Variants in ARHGEF10 observed in about 807,000 individuals in gnomAD.
The protein encoded by ARHGEF10 is Rho guanine nucleotide exchange factor (GEF) 10.
ARHGEF10 carries 140 observed loss-of-function variants against 147.4 expected under a neutral mutation model. The observed-to-expected ratio is 0.95, with a 90% confidence interval of 0.83 to 1.09. The LOEUF is 1.09. Among genes scored for constraint, ARHGEF10 ranks in the 50% least tolerant of loss-of-function variants. ARHGEF10 has a pLI of 0.00. For missense variants in ARHGEF10, 2,222 were observed against 1,752.7 expected (o/e 1.27, Z -4.78); for synonymous variants, 902 against 695.8 (o/e 1.30, Z -4.67).
At chr8:1,823,345 G>C (rs914770205), upstream of ARHGEF10, among the ~76,000 whole-genome samples, 3 of 151,454 alleles carry the variant, frequency 2.0e-5, no homozygotes, top group Admixed American at 6.6e-5. Context: ...GGCAGGGCCA[G>C]CTGCGGACGG....
At chr8:1,864,123 C>G (rs1275224659) in intron 4 of ARHGEF10, among the ~76,000 whole-genome samples, 2 of 152,066 alleles carry the variant, frequency 1.3e-5, no homozygotes, top group African/African-American at 4.8e-5. Context: ...TAGCCTGATG[C>G]ATTTGGGTGC....
chr8:1,896,012 G>C (rs1181084208), intron 13 of ARHGEF10, among the ~76,000 whole-genome samples: 2 of 152,152 alleles, frequency 1.3e-5, no homozygotes, highest in African/African-American at 4.8e-5. Context: ...CACCAAGTGA[G>C]ACTTGGCAGG....
chr8:1,925,479 T>A, intron 22 of ARHGEF10, 75 bp downstream of exon 22: 4 of 1,593,400 alleles, frequency 2.5e-6, no homozygotes, highest in Middle Eastern at 2.2e-4. Context: ...GGGAGATGAT[T>A]CTTAAGGGGC....
At position 1,857,035 on chromosome 8, in the gene ARHGEF10, G is replaced by C. The variant is rs112615146; in HGVS notation, c.38-925G>C. Among the ~76,000 whole-genome samples the C allele has an allele frequency of 7.7e-3, 1,166 of 152,300 alleles. 17 individuals carry two copies. The highest frequency in any genetic ancestry group is 0.027 in the African/African-American group (1,112 of 41,556). On this transcript the variant is annotated intron_variant, in intron 2 of 28. Transcript: ENST00000349830. ...CACACGGCAGGCTGCGCCATCAGCC[G>C]TAACCCCGGTCCAAGGAGACCTGTG...
intron 8 of ARHGEF10, 25 bp downstream of exon 8, chr8:1,876,759 G>A: frequency 6.2e-7 from 1 of 1,613,078 alleles, no homozygotes; most frequent in African/African-American, 1.3e-5. Flanking sequence ...CACATGTGAG[G>A]GATGGTTCTC....
chr8:1,951,445 A>G (rs996850043), intron 27 of ARHGEF10, among the ~76,000 whole-genome samples: 1 of 152,230 alleles, frequency 6.6e-6, no homozygotes, highest in Non-Finnish European at 1.5e-5. Flanking sequence ...AGCTTTTAAA[A>G]ATAATATGAA....
At chr8:1,859,508 A>G (rs1051869396) in intron 3 of ARHGEF10, among the ~76,000 whole-genome samples, 3 of 151,510 alleles carry the variant, frequency 2.0e-5, no homozygotes, top group East Asian at 2.0e-4. Context: ...TTCTTTGGCC[A>G]TAGCATCAGC....
At chr8:1,935,496 C>T (rs1362456355) in intron 26 of ARHGEF10, among the ~76,000 whole-genome samples, 1 of 152,194 alleles carries the variant, frequency 6.6e-6, no homozygotes, top group Non-Finnish European at 1.5e-5. Context: ...TTCAGGGTGC[C>T]ATTTCTTCAG....
At position 1,843,428 on chromosome 8, in the gene ARHGEF10, C is replaced by G; in HGVS notation, c.29C>G (p.Ala10Gly). MDQREPLPP[A>G]PAENEMKYDT... Reference sequence around the variant, plus strand: ...GACCAGCGAGAGCCCCTGCCTCCCGCTCCTGCAGGTAACAGCACTCAGTAG... The same window carrying G: ...GACCAGCGAGAGCCCCTGCCTCCCGGTCCTGCAGGTAACAGCACTCAGTAG... Residue 10 changes from alanine (A) to glycine (G), a missense_variant, in exon 2 of 29, where the codon GCT becomes GGT. Physicochemically the swap from Ala to Gly is moderately conservative, Grantham distance 60. Transcript: ENST00000349830. 6.2e-7 allele frequency: 1 copy of G among 1,612,986 alleles called. No individual in the cohort carries two copies. Among genetic ancestry groups the G allele is most frequent in the Non-Finnish European group, 8.5e-7 (1 of 1,179,752 alleles).
rs531457909 is a variant in ARHGEF10 at position 1,861,025 on chromosome 8, C to T, written c.481+841C>T. 1.4e-4 allele frequency among the ~76,000 whole-genome samples: 22 copies of T among 152,300 alleles called. No individual in the cohort carries two copies. In the South Asian group the frequency reaches 2.7e-3, roughly 19 times the overall value. On this transcript the variant is annotated intron_variant, in intron 4 of 28. Transcript: ENST00000349830. ...TGGGGCAGCACAAAGGGCTCAGAGT[C>T]GGCCACTGAGGACGGTGTTCCCTGT...
intron 26 of ARHGEF10, among the ~76,000 whole-genome samples, chr8:1,938,053 CCTGT>C (rs1317909613): frequency 6.6e-6 from 1 of 152,182 alleles, no homozygotes; most frequent in Non-Finnish European, 1.5e-5. Flanking sequence ...GGGGCACCCA[CCTGT>C]CTGTCAGGGC....
At position 1,956,913 on chromosome 8, in the gene ARHGEF10, G is replaced by A. The variant is rs1563342531; in HGVS notation, c.3685G>A (p.Gly1229Ser). 1 of 1,614,186 alleles carries A rather than the reference G, an allele frequency of 6.2e-7. No homozygotes were observed. The highest frequency in any genetic ancestry group is 8.5e-7 in the Non-Finnish European group (1 of 1,180,044). The change falls in exon 29 of 29, where the codon GGT becomes AGT. Residue 1229 changes from glycine to serine, a missense_variant. By Grantham distance (56) the Gly-to-Ser change is moderately conservative. Transcript: ENST00000349830. The part of the protein sequence containing the change: ...QKDALPSGGA[G>S]SSLSQGDPDA... ...GGACGCACTTCCGAGTGGAGGAGCT[G>A]GTTCATCTCTGAGCCAGGGTGACCC...
In ARHGEF10 at chr8:1,928,459, TG is replaced by T. The variant is rs1812852262; in HGVS notation, c.2731del (p.Ala911ProfsTer48). ...GSCTHQMGQI[A>X]IVSFQNSTPK... is the part of the protein sequence containing the mutation. ...GTTGCACCCATCAAATGGGTCAGAT[TG>T]CCATCGTCTCGTTTCAAAATTCCAC... On this transcript the variant is annotated frameshift_variant, in exon 24 of 29. Transcript: ENST00000349830. LOFTEE classifies it high-confidence loss of function. 1 of 1,614,004 alleles carries T rather than the reference TG, an allele frequency of 6.2e-7. No homozygotes were observed. The highest frequency in any genetic ancestry group is 8.5e-7 in the Non-Finnish European group (1 of 1,180,038).
chr8:1,830,014 A>G (rs754780045), intron 1 of ARHGEF10, among the ~76,000 whole-genome samples: 4 of 152,200 alleles, frequency 2.6e-5, no homozygotes, highest in African/African-American at 9.7e-5. Context: ...TCCAGTGTGC[A>G]GGCTCCGAAG....
At chr8:1,874,644 G>C (rs1483851195) in intron 7 of ARHGEF10, among the ~76,000 whole-genome samples, 1 of 152,098 alleles carries the variant, frequency 6.6e-6, no homozygotes, top group African/African-American at 2.4e-5. Context: ...TGGAGGAACA[G>C]TGCAGACACA....
intron 27 of ARHGEF10, among the ~76,000 whole-genome samples, chr8:1,949,250 G>A (rs539873723): frequency 2.0e-5 from 3 of 152,250 alleles, no homozygotes; most frequent in East Asian, 1.9e-4. Flanking sequence ...TGGGGAATCC[G>A]TGAATCTGTA....
chr8:1,885,623 A>G lies in ARHGEF10; in HGVS notation c.1098A>G (p.Glu366=), dbSNP rs754039469. ...AAGATCACAGATCTTCTCTTGAGGAAGAACAGAATTTGTTCATTGATGTTG... is the reference window on the plus strand; with the variant it reads ...AAGATCACAGATCTTCTCTTGAGGAGGAACAGAATTTGTTCATTGATGTTG... The part of the protein sequence containing the change: ...IAQDHRSSLE[E]EQNLFIDVDC... The change falls in exon 11 of 29, where the codon GAA becomes GAG. Residue 366 remains glutamate (E), a synonymous_variant. Transcript: ENST00000349830. 1 of 1,613,750 alleles carries G rather than the reference A, an allele frequency of 6.2e-7. No individual in the cohort carries two copies. Among genetic ancestry groups the G allele is most frequent in the East Asian group, 2.2e-5 (1 of 44,886 alleles).
intron 2 of ARHGEF10, among the ~76,000 whole-genome samples, chr8:1,850,003 T>A (rs1478525555): frequency 1.3e-5 from 1 of 75,270 alleles, no homozygotes. Flanking sequence ...GGGCAAATGC[T>A]GAGGAGGGCG....
At chr8:1,891,075 C>T (rs143469193) in intron 11 of ARHGEF10, among the ~76,000 whole-genome samples, 29 of 152,176 alleles carry the variant, frequency 1.9e-4, no homozygotes, top group Admixed American at 9.8e-4. Context: ...CTTATCCCAC[C>T]GTAATGGTTC....
Sources: gnomAD v4.1 joint callset for allele counts (sites outside exome capture counted in the v4.1 genomes callset) on GRCh38, gnomAD v4.1.1 for gene constraint, MANE v1.5 for transcripts, NCBI Gene and HGNC (gene_info 2026-07-23, HGNC 2026-07-21) for gene names.